The following MATN4 variants were observed in gnomAD, a reference collection of about 807,000 sequenced individuals.
The protein encoded by MATN4 is matrilin-4.
Under a neutral mutation model 54.6 loss-of-function variants are expected in MATN4, and 40 were observed. The observed-to-expected ratio is 0.73, with a 90% CI of 0.57 to 0.95. The LOEUF (loss-of-function observed/expected upper bound fraction) is 0.95, where lower values mean the gene tolerates loss of function less well. Among genes scored for constraint, MATN4 ranks in the 40% least tolerant of loss-of-function variants. The pLI is 0.00. For missense variants in MATN4, 810 were observed against 819.1 expected (o/e 0.99, Z 0.13); for synonymous variants, 351 against 345.3 (o/e 1.02, Z -0.18).
chr20:45,295,458 G>A (rs1985751393), intron 8 of MATN4, among the ~76,000 whole-genome samples: 1 of 152,180 alleles, frequency 6.6e-6, no homozygotes, highest in African/African-American at 2.4e-5. Flanking sequence ...TGCAATCTTG[G>A]CTCACTGTAA....
intron 8 of MATN4, among the ~76,000 whole-genome samples, chr20:45,295,960 AAT>A (rs1235696177): frequency 6.6e-6 from 1 of 152,106 alleles, no homozygotes; most frequent in Admixed American, 6.6e-5. Context: ...TCACACCTGT[AAT>A]CCCAGCACTT....
intron 6 of MATN4, among the ~76,000 whole-genome samples, chr20:45,300,577 T>C (rs1343528545): frequency 6.6e-6 from 1 of 152,138 alleles, no homozygotes; most frequent in Non-Finnish European, 1.5e-5. Flanking sequence ...GTGGTTCTGC[T>C]CACCATTTGA....
Position 45,298,124 on chromosome 20 carries a change from A to G in MATN4, c.1426+46T>C. ...CCAGGCCTCGGGAAAGCTGCCTCCCAGCGTCTGACCCAACCCCAGCCCACT... is the reference window on the plus strand; with the variant it reads ...CCAGGCCTCGGGAAAGCTGCCTCCCGGCGTCTGACCCAACCCCAGCCCACT... On this transcript the variant is annotated intron_variant, in intron 7 of 9. Coordinates refer to ENST00000372756, the MANE Select transcript of MATN4 (RefSeq NM_001393530.1). The surrounding 1 kb of genome is among the most constrained non-coding windows in gnomAD (Gnocchi z 4.6). The G allele has an allele frequency of 1.9e-6, 3 of 1,602,944 alleles. No homozygotes were observed. Among genetic ancestry groups the G allele is most frequent in the South Asian group, 2.2e-5 (2 of 90,656 alleles).
chr20:45,298,019 C>T lies in MATN4; in HGVS notation c.1478G>A (p.Arg493His). ...TTCCGCTGGCTCCGAGGCGATCTCGCGCAGCTCCGCCTCCACCGCCTTGCC... is the reference window on the plus strand; with the variant it reads ...TTCCGCTGGCTCCGAGGCGATCTCGTGCAGCTCCGCCTCCACCGCCTTGCC... ...GVGKAVEAEL[R>H]EIASEPAELH... Residue 493 changes from arginine (R) to histidine (H), a missense_variant, in exon 8 of 10, where the codon CGC becomes CAC. Coordinates refer to ENST00000372756, the MANE Select transcript of MATN4 (RefSeq NM_001393530.1). This position sits in a 1 kb window ranked among gnomAD's most constrained non-coding sequence, Gnocchi z 4.6. 6.2e-7 allele frequency: 1 copy of T among 1,614,022 alleles called. No homozygotes were observed. Among genetic ancestry groups the T allele is most frequent in the South Asian group, 1.1e-5 (1 of 91,080 alleles).
At chr20:45,301,559 C>G (rs1986235479) in intron 3 of MATN4, 116 bp from the exon 4 acceptor site, 1 of 1,105,146 alleles carries the variant, frequency 9.0e-7, no homozygotes, top group South Asian at 1.6e-5. Flanking sequence ...CCCAAAAATC[C>G]TGACCTAATT....
Position 45,304,312 on chromosome 20 carries a change from G to T in MATN4, c.559C>A (p.Pro187Thr). 1 of 1,531,510 alleles carries T rather than the reference G, an allele frequency of 6.5e-7. No homozygotes were observed. Among genetic ancestry groups the T allele is most frequent in the Admixed American group, 2.2e-5 (1 of 45,982 alleles). The allele number at this position is 1,531,510 out of a possible 1,614,324, so 94.9% of individuals were successfully genotyped here. The change falls in exon 3 of 10, where the codon CCC becomes ACC. Residue 187 changes from proline to threonine, a missense_variant. Transcript: ENST00000372756. ...DVGSLRAMAS[P>T]PLDEHVFLVE... ...AGGAAGACGTGCTCGTCTAGCGGGGGCGATGCCATGGCGCGCAGGGAGCCC... is the reference window on the plus strand; with the variant it reads ...AGGAAGACGTGCTCGTCTAGCGGGGTCGATGCCATGGCGCGCAGGGAGCCC...
intron 6 of MATN4, among the ~76,000 whole-genome samples, chr20:45,299,757 A>G (rs541911488): frequency 1.3e-4 from 20 of 151,658 alleles, no homozygotes; most frequent in Non-Finnish European, 2.4e-4. Flanking sequence ...GCACACCTGT[A>G]GTCTCAGCTA....
At chr20:45,308,053 A>G in intron 1 of MATN4, 122 bp downstream of exon 1, 1 of 825,648 alleles carries the variant, frequency 1.2e-6, no homozygotes, top group South Asian at 1.6e-5. Flanking sequence ...AGAAGTGGGG[A>G]AGGGCACTGC....
intron 3 of MATN4, among the ~76,000 whole-genome samples, chr20:45,302,029 G>A (rs1986265975): frequency 6.6e-6 from 1 of 152,032 alleles, no homozygotes; most frequent in African/African-American, 2.4e-5. Context: ...CACGCGCTAT[G>A]AGTTACTTAG....
chr20:45,296,108 G>C (rs559061689), intron 8 of MATN4, among the ~76,000 whole-genome samples: 1 of 150,682 alleles, frequency 6.6e-6, no homozygotes, highest in Admixed American at 6.6e-5. Flanking sequence ...CCAGCTACTC[G>C]AGAGGCTGAG....
At chr20:45,308,309 A>C (rs887504916), upstream of MATN4, 2 of 1,182,272 alleles carry the variant, frequency 1.7e-6, no homozygotes, top group Admixed American at 3.4e-5. Flanking sequence ...TGGAGCACAC[A>C]GAGGCAACGG....
intron 8 of MATN4, among the ~76,000 whole-genome samples, chr20:45,294,285 T>TGC (rs1421036829): frequency 6.6e-6 from 1 of 152,220 alleles, no homozygotes; most frequent in Non-Finnish European, 1.5e-5. Flanking sequence ...TGTGTGTGTG[T>TGC]GTGCTCACGC....
At position 45,298,555 on chromosome 20, in the gene MATN4, A is replaced by C. The variant is rs1353725472; in HGVS notation, c.1041T>G (p.Val347=). The change falls in exon 7 of 10, where the codon GTT becomes GTG. Residue 347 remains valine, a synonymous_variant. Coordinates refer to ENST00000372756, the MANE Select transcript of MATN4 (RefSeq NM_001393530.1). The surrounding 1 kb of genome is among the most constrained non-coding windows in gnomAD (Gnocchi z 4.6). ...CGCTCTTGGAGCCATCAACCAGCAG[A>C]ACAAGGTCCACGTGGCCTTCCCGGC... ...NRCREGHVDL[V]LLVDGSKSVR... is the part of the protein sequence containing the mutation. 6.3e-7 allele frequency: 1 copy of C among 1,580,880 alleles called. No individual in the cohort carries two copies. The highest frequency in any genetic ancestry group is 2.3e-5 in the East Asian group (1 of 44,366).
At position 45,297,923 on chromosome 20, in the gene MATN4, C is replaced by T. The variant is rs752565467; in HGVS notation, c.1574G>A (p.Cys525Tyr). ...HLLENLRGSICPEEGISAGTE... is the reference protein window; with the variant it reads ...HLLENLRGSIYPEEGISAGTE... ...CCCGAGAGAGATGCGCTCACCTGGA[C>T]AGATGCTGCCTCTGAGGTTCTCCAG... The change falls in exon 8 of 10, where the codon TGT (cysteine) becomes TAT (tyrosine). Residue 525 changes from cysteine (C) to tyrosine (Y), a missense_variant. By Grantham distance (194) the Cys-to-Tyr change is radical. Coordinates refer to ENST00000372756, the MANE Select transcript of MATN4 (RefSeq NM_001393530.1). The T allele has an allele frequency of 6.2e-7, 1 of 1,614,186 alleles. No homozygotes were observed. The highest frequency in any genetic ancestry group is 1.1e-5 in the South Asian group (1 of 91,082).
At position 45,303,064 on chromosome 20, in the gene MATN4, T is replaced by C. The variant is rs1323099545; in HGVS notation, c.643+1164A>G. Among the ~76,000 whole-genome samples the C allele has an allele frequency of 5.5e-5, 6 of 109,066 alleles. No individual in the cohort carries two copies. The East Asian group carries it at 7.9e-4, about 14-fold the overall frequency. The allele number at this position is 109,066 out of a possible 152,430, so 71.6% of individuals were successfully genotyped here. On this transcript the variant is annotated intron_variant, in intron 3 of 9. Transcript: ENST00000372756. ...CACCATTGCACTCCAGCTTGGGCAA[T>C]AGAGCCAGACTCTGTCTCAAAAAAA...
intron 3 of MATN4, chr20:45,303,415 A>G (rs1233728921): frequency 1.4e-6 from 1 of 717,084 alleles, no homozygotes; most frequent in South Asian, 1.5e-5. Flanking sequence ...ATCTGCTGCT[A>G]GCTTGTAGCC....
Position 45,298,334 on chromosome 20 carries a change from CCG to C in MATN4, c.1260_1261del (p.Gly421HisfsTer27). On this transcript the variant is annotated frameshift_variant, in exon 7 of 10. Coordinates refer to ENST00000372756, the MANE Select transcript of MATN4 (RefSeq NM_001393530.1). LOFTEE classifies it high-confidence loss of function. The surrounding 1 kb of genome is among the most constrained non-coding windows in gnomAD (Gnocchi z 4.6). ...CCGCAACGCCAGCCCTGTCATGGTG[CCG>C]CGTTCCATGTACTCCACGGCCAGGA... 1 of 1,613,586 alleles carries C rather than the reference CCG, an allele frequency of 6.2e-7. No homozygotes were observed. The highest frequency in any genetic ancestry group is 8.5e-7 in the Non-Finnish European group (1 of 1,179,884).
chr20:45,300,648 T>C (rs1198031376), intron 6 of MATN4, among the ~76,000 whole-genome samples: 2 of 152,186 alleles, frequency 1.3e-5, no homozygotes, highest in African/African-American at 4.8e-5. Context: ...CACAGAAGGC[T>C]TGTGCACAAA....
Position 45,293,556 on chromosome 20 carries a change from C to T in MATN4, c.*211G>A, listed in dbSNP as rs1220304613. On this transcript the variant is annotated 3_prime_UTR_variant, in exon 10 of 10. Coordinates refer to ENST00000372756, the MANE Select transcript of MATN4 (RefSeq NM_001393530.1). ...TGCCGGTCTAGCACGTGCCCCTTCC[C>T]TCACCACCCGCTATCCCCCTGACGC... 1.1e-5 allele frequency: 6 copies of T among 534,774 alleles called. No homozygotes were observed. Among genetic ancestry groups the T allele is most frequent in the Non-Finnish European group, 2.0e-5 (6 of 307,228 alleles). The allele number at this position is 534,774 out of a possible 1,614,324, so 33.1% of individuals were successfully genotyped here.
Sources: allele counts gnomAD v4.1 joint callset (sites outside exome capture counted in the v4.1 genomes callset), GRCh38; gene constraint gnomAD v4.1.1; non-coding constraint Gnocchi (gnomAD v3.1); transcripts MANE v1.5; gene names NCBI Gene and HGNC (gene_info 2026-07-23, HGNC 2026-07-21).